TNR: variants seen among roughly 807,000 people sequenced by gnomAD.
TNR encodes tenascin R.
TNR carries 45 observed loss-of-function variants against 150.4 expected under a neutral mutation model. The observed-to-expected ratio is 0.30, with a 90% CI of 0.24 to 0.38. TNR has a LOEUF of 0.38. Ranked by LOEUF, TNR falls within the 10% of genes least tolerant of loss-of-function variation. The pLI is 1.00. For synonymous variants in TNR, 687 were observed against 678.4 expected (o/e 1.01, Z -0.20); for missense variants, 1,544 against 1,759.1 (o/e 0.88, Z 2.19).
At chr1:175,602,203 CAAAAAAAAAAAAA>C (rs57341654) in intron 1 of TNR, among the ~76,000 whole-genome samples, 747 of 30,586 alleles carry the variant, frequency 0.024, 15 homozygotes, top group African/African-American at 0.066. Context: ...GGACCAAAGG[CAAAAAAAAAAAAA>C]AAAAAAAAAA....
intron 2 of TNR, among the ~76,000 whole-genome samples, chr1:175,510,527 A>T (rs1310410778): frequency 2.0e-5 from 3 of 152,132 alleles, no homozygotes; most frequent in African/African-American, 7.2e-5. Context: ...CTCTTCCAGG[A>T]TGGAGGTCGT....
chr1:175,391,462 A>G (rs773916307), intron 6 of TNR, 24 bp from the exon 7 acceptor site: 3 of 1,607,532 alleles, frequency 1.9e-6, no homozygotes, highest in Non-Finnish European at 1.7e-6. Flanking sequence ...AGAAGCAGAG[A>G]GCAAAAGAGA....
At chr1:175,437,809 C>T (rs1030725716) in intron 2 of TNR, among the ~76,000 whole-genome samples, 3 of 152,114 alleles carry the variant, frequency 2.0e-5, no homozygotes, top group Non-Finnish European at 4.4e-5. Context: ...ACACATACAC[C>T]CTCCCAAGAC....
chr1:175,735,569 C>T lies in TNR; in HGVS notation c.-165+7657G>A, dbSNP rs117526651. 4.0e-3 allele frequency among the ~76,000 whole-genome samples: 609 copies of T among 152,272 alleles called. 9 individuals are homozygous for T. In the East Asian group the frequency reaches 0.05, roughly 12 times the overall value. Reference sequence around the variant, plus strand: ...ACGAAGCAGGCAGCAGCTTCTGTCCCGATGCACTTGTGGAGATAAATTCAA... The same window carrying T: ...ACGAAGCAGGCAGCAGCTTCTGTCCTGATGCACTTGTGGAGATAAATTCAA... On this transcript the variant is annotated intron_variant, in intron 1 of 22. Coordinates refer to ENST00000367674, the MANE Select transcript of TNR (RefSeq NM_003285.3).
chr1:175,426,244 T>G (rs1295051896), intron 2 of TNR, among the ~76,000 whole-genome samples: 2 of 152,150 alleles, frequency 1.3e-5, no homozygotes, highest in Non-Finnish European at 1.5e-5. Context: ...AAGAAGCACA[T>G]CTCTATGGAT....
chr1:175,595,250 T>C (rs1662963807), intron 1 of TNR, among the ~76,000 whole-genome samples: 1 of 152,180 alleles, frequency 6.6e-6, no homozygotes, highest in Admixed American at 6.5e-5. Flanking sequence ...AGAGAATGCA[T>C]TATGTGGAAG....
intron 1 of TNR, among the ~76,000 whole-genome samples, chr1:175,598,844 C>T (rs1207566125): frequency 2.6e-5 from 4 of 152,344 alleles, no homozygotes; most frequent in East Asian, 3.9e-4. Flanking sequence ...GTAAATCACT[C>T]TGCCACTCTA....
chr1:175,347,169 T>A (rs903770507), intron 18 of TNR, among the ~76,000 whole-genome samples: 1 of 152,070 alleles, frequency 6.6e-6, no homozygotes, highest in Non-Finnish European at 1.5e-5. Context: ...AAGCTATTAA[T>A]ATAACTCACC....
chr1:175,363,887 T>C, intron 12 of TNR, 60 bp from the exon 13 acceptor site: 2 of 1,560,382 alleles, frequency 1.3e-6, no homozygotes, highest in Non-Finnish European at 1.7e-6. Context: ...AAAGAAATTC[T>C]CATCCCTGGT....
At chr1:175,592,212 C>T (rs1182042036) in intron 1 of TNR, among the ~76,000 whole-genome samples, 4 of 152,132 alleles carry the variant, frequency 2.6e-5, no homozygotes, top group Non-Finnish European at 4.4e-5. Context: ...AAATCATTAG[C>T]AAATAGTCCA....
At chr1:175,376,872 A>T (rs1281579173) in intron 9 of TNR, among the ~76,000 whole-genome samples, 1 of 123,660 alleles carries the variant, frequency 8.1e-6, no homozygotes, top group Admixed American at 8.9e-5. Context: ...ATATATATAT[A>T]TATATATACA....
intron 1 of TNR, among the ~76,000 whole-genome samples, chr1:175,635,960 A>T (rs185474121): frequency 2.0e-5 from 3 of 152,334 alleles, no homozygotes; most frequent in Non-Finnish European, 4.4e-5. Context: ...GCTATTTATT[A>T]CATGTAACTG....
chr1:175,491,265 T>C (rs1658235039), intron 2 of TNR, among the ~76,000 whole-genome samples: 2 of 151,836 alleles, frequency 1.3e-5, no homozygotes, highest in Admixed American at 1.3e-4. Flanking sequence ...AGCTAATGGA[T>C]GCTGGGTTTA....
At position 175,652,946 on chromosome 1, in the gene TNR, A is replaced by G. The variant is rs561152465; in HGVS notation, c.-165+90280T>C. On this transcript the variant is annotated intron_variant, in intron 1 of 22. Transcript: ENST00000367674. ...ACCATTTGAAGAGACTGTCAATGTC[A>G]CTATTAATTTGGGAAAAAGTGCCAC... is the stretch of plus-strand genomic sequence containing the variant. Among the ~76,000 whole-genome samples, 6 of 152,336 alleles carry G rather than the reference A, an allele frequency of 3.9e-5. No individual in the cohort carries two copies. The East Asian group carries it at 1.2e-3, about 29-fold the overall frequency.
At chr1:175,624,155 C>G (rs1374436149) in intron 1 of TNR, among the ~76,000 whole-genome samples, 1 of 152,192 alleles carries the variant, frequency 6.6e-6, no homozygotes, top group East Asian at 1.9e-4. Context: ...AATTGCTTCT[C>G]CTCTCCTAGC....
At chr1:175,476,762 G>C (rs1169908971) in intron 2 of TNR, among the ~76,000 whole-genome samples, 2 of 152,162 alleles carry the variant, frequency 1.3e-5, no homozygotes, top group Admixed American at 6.5e-5. Context: ...TAAAGTAATA[G>C]AGACATATTA....
At chr1:175,514,957 AT>A (rs143638447) in intron 2 of TNR, among the ~76,000 whole-genome samples, 1 of 151,760 alleles carries the variant, frequency 6.6e-6, no homozygotes. Context: ...TACCCAGTCT[AT>A]TTTTTTTCAG....
chr1:175,466,623 G>GAC (rs111976060), intron 2 of TNR, among the ~76,000 whole-genome samples: 7,042 of 152,264 alleles, frequency 0.046, 289 homozygotes, highest in African/African-American at 0.11. Flanking sequence ...CCTATCTGGG[G>GAC]ACTCCACATT....
chr1:175,459,870 C>CG (rs1656738243), intron 2 of TNR, among the ~76,000 whole-genome samples: 1 of 78,516 alleles, frequency 1.3e-5, no homozygotes, highest in African/African-American at 6.9e-5. Flanking sequence ...AATGAAAGAA[C>CG]AAGAGAGAGA....
Sources: allele counts gnomAD v4.1 joint callset (sites outside exome capture counted in the v4.1 genomes callset), GRCh38; gene constraint gnomAD v4.1.1; transcripts MANE v1.5; gene names NCBI Gene and HGNC (gene_info 2026-07-23, HGNC 2026-07-21).